GHR: variants seen among roughly 807,000 people sequenced by gnomAD.
GHR encodes growth hormone receptor, also known as GH receptor.
GHR carries 35 observed loss-of-function variants against 67.1 expected under a neutral mutation model. The observed-to-expected ratio is 0.52, with a 90% CI of 0.40 to 0.69. The LOEUF (loss-of-function observed/expected upper bound fraction) is 0.69, where lower values mean the gene tolerates loss of function less well. Among genes scored for constraint, GHR ranks in the 30% least tolerant of loss-of-function variants. The pLI, the probability that GHR is intolerant of heterozygous loss-of-function variation, is 0.00. For synonymous variants in GHR, 272 were observed against 269.1 expected, an observed-to-expected ratio of 1.01 and a Z score of -0.10; for missense variants, 792 against 764.6, an observed-to-expected ratio of 1.04 and a Z score of -0.42.
chr5:42,605,438 A>T (rs1458715074), intron 2 of GHR, among the ~76,000 whole-genome samples: 1 of 151,900 alleles, frequency 6.6e-6, no homozygotes, highest in Non-Finnish European at 1.5e-5. Context: ...TGCTTATTCA[A>T]ACCACCAGTT....
chr5:42,629,101 C>T lies in GHR; in HGVS notation c.134C>T (p.Thr45Ile). 7.5e-7 allele frequency: 1 copy of T among 1,330,770 alleles called. No homozygotes were observed. The highest frequency in any genetic ancestry group is 1.0e-6 in the Non-Finnish European group (1 of 952,382). 82.4% of individuals were successfully genotyped at this position (1,330,770 alleles called of 1,614,324 possible). Residue 45 changes from threonine (T) to isoleucine (I), a missense_variant and splice_region_variant, in exon 3 of 10, where the codon ACA becomes ATA. Transcript: ENST00000230882. ...CAAAGTGTTAATCCAGGCCTAAAGA[C>T]AAGTAAGAATTTCAGTCCTTTTTCT... ...SLQSVNPGLK[T>I]NSSKEPKFTK... is the part of the protein sequence containing the mutation.
At chr5:42,612,620 T>G (rs986036301) in intron 2 of GHR, among the ~76,000 whole-genome samples, 8 of 152,184 alleles carry the variant, frequency 5.3e-5, no homozygotes, top group Non-Finnish European at 1.2e-4. Context: ...TATTGTCATT[T>G]CTTTCTCTTA....
At chr5:42,600,918 C>CTTTTTTTTTTTTTTTTTTTTTTTTT (rs933355797) in intron 2 of GHR, among the ~76,000 whole-genome samples, 1 of 66,666 alleles carries the variant, frequency 1.5e-5, no homozygotes, top group Non-Finnish European at 2.6e-5. Flanking sequence ...TCTTTCTATT[C>CTTTTTTTTTTTTTTTTTTTTTTTTT]TTTTTTTTTT....
chr5:42,486,570 G>A (rs943683495), intron 1 of GHR, among the ~76,000 whole-genome samples: 1 of 152,156 alleles, frequency 6.6e-6, no homozygotes, highest in African/African-American at 2.4e-5. Context: ...AAGTTTGGCC[G>A]GGCACGGTGG....
chr5:42,662,903 T>C (rs547075932), intron 3 of GHR, among the ~76,000 whole-genome samples: 1 of 152,072 alleles, frequency 6.6e-6, no homozygotes, highest in African/African-American at 2.4e-5. Flanking sequence ...TAAAAAATGA[T>C]AAAGAGGATA....
chr5:42,648,642 G>C (rs1754863329), intron 3 of GHR, among the ~76,000 whole-genome samples: 2 of 151,516 alleles, frequency 1.3e-5, no homozygotes, highest in South Asian at 4.2e-4. Flanking sequence ...CCTACTCCCT[G>C]TTCTGTTCTA....
intron 1 of GHR, among the ~76,000 whole-genome samples, chr5:42,458,362 AAAAACAAG>A (rs2112032741): frequency 6.6e-6 from 1 of 152,320 alleles, no homozygotes; most frequent in South Asian, 2.1e-4. Flanking sequence ...TAAAGTTGAC[AAAAACAAG>A]AAATGGGGAA....
At chr5:42,562,644 C>CTTTTTTTT (rs1212633265) in intron 1 of GHR, among the ~76,000 whole-genome samples, 1 of 77,750 alleles carries the variant, frequency 1.3e-5, no homozygotes, top group Non-Finnish European at 2.3e-5. Context: ...GTTATAGTTC[C>CTTTTTTTT]TTTTTTTTTT....
At chr5:42,652,286 A>T (rs1035980465) in intron 3 of GHR, among the ~76,000 whole-genome samples, 54 of 45,994 alleles carry the variant, frequency 1.2e-3, no homozygotes, top group African/African-American at 3.2e-3. Context: ...GTAGATTTTT[A>T]AAATTACATT....
chr5:42,620,114 A>G (rs957483402), intron 2 of GHR, among the ~76,000 whole-genome samples: 4 of 152,150 alleles, frequency 2.6e-5, no homozygotes, highest in Non-Finnish European at 4.4e-5. Context: ...ACTAGATGTC[A>G]TAAATCTAGT....
At position 42,699,828 on chromosome 5, in the gene GHR, A is replaced by G. The variant is rs1392233948; in HGVS notation, c.444A>G (p.Gln148=). The change falls in exon 6 of 10, where the codon CAA becomes CAG. Residue 148 remains glutamine (Q), a synonymous_variant. Coordinates refer to ENST00000230882, the MANE Select transcript of GHR (RefSeq NM_000163.5). The stretch of plus-strand genomic sequence containing the variant: ...ATGCTCTGTTGAATTGCACAGTGCA[A>G]CCAGATCCACCCATTGCCCTCAACT... The part of the protein sequence containing the change: ...EKCFSVDEIV[Q]PDPPIALNWT... 1 of 1,606,288 alleles carries G rather than the reference A, an allele frequency of 6.2e-7. No homozygotes were observed. Among genetic ancestry groups the G allele is most frequent in the East Asian group, 2.2e-5 (1 of 44,836 alleles).
At chr5:42,482,689 G>A (rs1357601282) in intron 1 of GHR, among the ~76,000 whole-genome samples, 7 of 152,216 alleles carry the variant, frequency 4.6e-5, no homozygotes, top group Admixed American at 2.6e-4. Flanking sequence ...GCCAGGTGCG[G>A]GATATAATCT....
Position 42,517,554 on chromosome 5 carries a change from G to C in GHR, c.-11-48310G>C, listed in dbSNP as rs560511100. 3.3e-5 allele frequency among the ~76,000 whole-genome samples: 5 copies of C among 152,294 alleles called. No homozygotes were observed. The East Asian group carries it at 9.6e-4, about 29-fold the overall frequency. On this transcript the variant is annotated intron_variant, in intron 1 of 9. Transcript: ENST00000230882. Reference sequence around the variant, plus strand: ...AAACATCAGTCCACATGCTTGAAATGTCATCACTTTTTTATGGTCAGGACC... The same window carrying C: ...AAACATCAGTCCACATGCTTGAAATCTCATCACTTTTTTATGGTCAGGACC...
chr5:42,683,544 A>G (rs552676405), intron 3 of GHR, among the ~76,000 whole-genome samples: 1 of 152,352 alleles, frequency 6.6e-6, no homozygotes, highest in South Asian at 2.1e-4. Flanking sequence ...GGAAGGAAAT[A>G]CATAAGGCTG....
intron 2 of GHR, among the ~76,000 whole-genome samples, chr5:42,578,311 A>C (rs1408642013): frequency 6.6e-6 from 1 of 152,188 alleles, no homozygotes; most frequent in African/African-American, 2.4e-5. Context: ...TGGGGATCAA[A>C]TTAGATAAAA....
At chr5:42,544,286 T>C (rs554150525) in intron 1 of GHR, among the ~76,000 whole-genome samples, 63 of 152,280 alleles carry the variant, frequency 4.1e-4, no homozygotes, top group African/African-American at 1.5e-3. Context: ...CCAAATAATA[T>C]TCAGCCTCAC....
chr5:42,433,728 T>G (rs889700799), intron 1 of GHR, among the ~76,000 whole-genome samples: 1 of 144,362 alleles, frequency 6.9e-6, no homozygotes, highest in Non-Finnish European at 1.5e-5. Flanking sequence ...ACTTAAGATA[T>G]GGTATTTTTT....
At chr5:42,588,781 T>A (rs941471063) in intron 2 of GHR, among the ~76,000 whole-genome samples, 9 of 152,290 alleles carry the variant, frequency 5.9e-5, no homozygotes, top group Middle Eastern at 6.8e-3. Flanking sequence ...AAAACCTTTA[T>A]AACAAAACAA....
At chr5:42,449,686 G>C (rs1743964791) in intron 1 of GHR, among the ~76,000 whole-genome samples, 1 of 152,130 alleles carries the variant, frequency 6.6e-6, no homozygotes, top group African/African-American at 2.4e-5. Flanking sequence ...AATAGAAGTG[G>C]TGACAGTGGG....
Sources: allele counts gnomAD v4.1 joint callset (sites outside exome capture counted in the v4.1 genomes callset), GRCh38; gene constraint gnomAD v4.1.1; transcripts MANE v1.5; gene names NCBI Gene and HGNC (gene_info 2026-07-23, HGNC 2026-07-21).